Variants in DLG2 observed in about 807,000 individuals in gnomAD.
The protein encoded by DLG2 is discs large MAGUK scaffold protein 2.
Under a neutral mutation model 132.5 loss-of-function variants are expected in DLG2, and 45 were observed. That is an observed-to-expected ratio of 0.34 (90% confidence interval 0.27 to 0.44). The LOEUF is 0.44. Ranked by LOEUF, DLG2 falls within the 20% of genes least tolerant of loss-of-function variation. The pLI is 1.00. For synonymous variants in DLG2, 424 were observed against 419.6 expected, an observed-to-expected ratio of 1.01 and a Z score of -0.13; for missense variants, 1,045 against 1,196.9, an observed-to-expected ratio of 0.87 and a Z score of 1.87.
chr11:84,711,381 A>G (rs1447875266), intron 6 of DLG2, among the ~76,000 whole-genome samples: 1 of 45,830 alleles, frequency 2.2e-5, no homozygotes, highest in Non-Finnish European at 3.5e-5. Flanking sequence ...AGAGAGAGAG[A>G]TCGATCGATC....
chr11:84,606,570 A>T (rs1336545622), intron 6 of DLG2, among the ~76,000 whole-genome samples: 1 of 152,120 alleles, frequency 6.6e-6, no homozygotes, highest in Non-Finnish European at 1.5e-5. Flanking sequence ...TGCAAGATAA[A>T]ATTTTTAAAA....
intron 3 of DLG2, among the ~76,000 whole-genome samples, chr11:85,424,913 C>G (rs955779016): frequency 6.6e-6 from 1 of 152,170 alleles, no homozygotes; most frequent in Non-Finnish European, 1.5e-5. Flanking sequence ...AAATAAATTT[C>G]TGTTGCTTAA....
chr11:85,085,602 A>G (rs1301585466), intron 6 of DLG2, among the ~76,000 whole-genome samples: 1 of 152,156 alleles, frequency 6.6e-6, no homozygotes. Flanking sequence ...TAGGAATGAG[A>G]AAAGAACTAG....
intron 6 of DLG2, among the ~76,000 whole-genome samples, chr11:84,972,484 G>C (rs899576059): frequency 2.0e-5 from 3 of 152,120 alleles, no homozygotes; most frequent in Non-Finnish European, 4.4e-5. Context: ...TCTTTGCTTT[G>C]TGGTAATTTA....
Position 84,782,119 on chromosome 11 carries a change from C to T in DLG2, c.358-247388G>A, listed in dbSNP as rs372025036. 6.1e-4 allele frequency among the ~76,000 whole-genome samples: 93 copies of T among 152,170 alleles called. 1 individual carries two copies. Among genetic ancestry groups the T allele is most frequent in the African/African-American group, 2.1e-3 (86 of 41,526 alleles). On this transcript the variant is annotated intron_variant, in intron 6 of 27. Coordinates refer to ENST00000376104, the MANE Select transcript of DLG2 (RefSeq NM_001142699.3). ...TTCCATGGATACCTGCAAAACCCCACGGGTAACAGACACACACATGTAGCC... is the reference window on the plus strand; with the variant it reads ...TTCCATGGATACCTGCAAAACCCCATGGGTAACAGACACACACATGTAGCC...
chr11:84,326,518 TG>T (rs1196393570), intron 7 of DLG2, among the ~76,000 whole-genome samples: 1 of 152,172 alleles, frequency 6.6e-6, no homozygotes, highest in African/African-American at 2.4e-5. Context: ...AATTTCCTCA[TG>T]TGTAAATTTT....
At chr11:84,529,138 T>C (rs1435512542) in intron 7 of DLG2, among the ~76,000 whole-genome samples, 1 of 152,124 alleles carries the variant, frequency 6.6e-6, no homozygotes, top group Non-Finnish European at 1.5e-5. Context: ...ACAGAGTGTC[T>C]TTACTAAGAC....
intron 6 of DLG2, among the ~76,000 whole-genome samples, chr11:84,698,943 G>T (rs1320699278): frequency 1.3e-5 from 2 of 151,362 alleles, no homozygotes; most frequent in African/African-American, 4.8e-5. Context: ...TCTTCACTGC[G>T]TTGCTATTTT....
intron 7 of DLG2, among the ~76,000 whole-genome samples, chr11:84,514,596 T>C (rs1408088866): frequency 3.3e-5 from 5 of 151,746 alleles, no homozygotes; most frequent in African/African-American, 1.2e-4. Context: ...GATCTAAAAA[T>C]CATAACAATT....
intron 6 of DLG2, among the ~76,000 whole-genome samples, chr11:84,873,635 G>A (rs1287267476): frequency 6.6e-6 from 1 of 152,188 alleles, no homozygotes; most frequent in Non-Finnish European, 1.5e-5. Context: ...TGAAAGATTA[G>A]GGAGAGAGTT....
intron 3 of DLG2, among the ~76,000 whole-genome samples, chr11:85,398,966 A>G (rs757544736): frequency 2.6e-5 from 4 of 152,152 alleles, no homozygotes; most frequent in African/African-American, 7.2e-5. Flanking sequence ...AGGGTATTCA[A>G]TTAGGAAAAG....
chr11:83,543,552 C>T (rs1178138617), intron 19 of DLG2, among the ~76,000 whole-genome samples: 1 of 152,122 alleles, frequency 6.6e-6, no homozygotes, highest in Non-Finnish European at 1.5e-5. Flanking sequence ...GGGCAAGTTA[C>T]TTAGTCTCTT....
chr11:84,995,888 C>T (rs678796), intron 6 of DLG2, among the ~76,000 whole-genome samples: 22,818 of 152,006 alleles, frequency 0.15, 1,858 homozygotes, highest in South Asian at 0.28. Flanking sequence ...CACAGAGATA[C>T]CTGCTTCATT....
At chr11:85,355,217 T>G (rs760168050) in intron 3 of DLG2, among the ~76,000 whole-genome samples, 1 of 152,166 alleles carries the variant, frequency 6.6e-6, no homozygotes, top group Non-Finnish European at 1.5e-5. Flanking sequence ...TGAGTTTTCA[T>G]TATGTGCAAG....
intron 8 of DLG2, among the ~76,000 whole-genome samples, chr11:84,184,929 T>A (rs1341175088): frequency 6.6e-6 from 1 of 152,230 alleles, no homozygotes; most frequent in African/African-American, 2.4e-5. Context: ...CATTCGTCTA[T>A]ATCTCTGTTT....
At chr11:85,522,447 C>A (rs1354939886) in intron 3 of DLG2, among the ~76,000 whole-genome samples, 1 of 152,174 alleles carries the variant, frequency 6.6e-6, no homozygotes, top group East Asian at 1.9e-4. Flanking sequence ...TACAGAATCC[C>A]CCCTAGGGCA....
chr11:85,402,536 T>C (rs1032365945), intron 3 of DLG2, among the ~76,000 whole-genome samples: 16 of 151,970 alleles, frequency 1.1e-4, no homozygotes, highest in Admixed American at 8.5e-4. Flanking sequence ...AAAGAAACTA[T>C]CATCAGAGTG....
intron 3 of DLG2, among the ~76,000 whole-genome samples, chr11:85,492,069 A>G (rs960421131): frequency 1.3e-5 from 2 of 152,146 alleles, no homozygotes; most frequent in Non-Finnish European, 2.9e-5. Context: ...AAGAATAGTT[A>G]ACAATGTAAT....
At chr11:85,402,985 T>C (rs1333922082) in intron 3 of DLG2, among the ~76,000 whole-genome samples, 1 of 152,166 alleles carries the variant, frequency 6.6e-6, no homozygotes, top group Non-Finnish European at 1.5e-5. Context: ...AGCAATCCCA[T>C]TACTAGGTAT....
Sources: allele counts gnomAD v4.1 joint callset (sites outside exome capture counted in the v4.1 genomes callset), GRCh38; gene constraint gnomAD v4.1.1; transcripts MANE v1.5; gene names NCBI Gene and HGNC (gene_info 2026-07-23, HGNC 2026-07-21).